LSAMP: variants seen among roughly 807,000 people sequenced by gnomAD.
LSAMP encodes the protein limbic system-associated membrane protein.
A neutral mutation model predicts 38.6 loss-of-function variants in LSAMP; 7 were observed. That is an observed-to-expected ratio of 0.18 (90% CI 0.10 to 0.34). LSAMP has a LOEUF of 0.34. Ranked by LOEUF, LSAMP falls within the 10% of genes least tolerant of loss-of-function variation. LSAMP has a pLI of 1.00. For missense variants in LSAMP, 313 were observed against 420.0 expected (o/e 0.75, Z 2.23); for synonymous variants, 154 against 166.8 (o/e 0.92, Z 0.59).
At chr3:115,838,726 A>G (rs1375882039) in intron 6 of LSAMP, among the ~76,000 whole-genome samples, 1 of 152,172 alleles carries the variant, frequency 6.6e-6, no homozygotes, top group East Asian at 1.9e-4. Flanking sequence ...TATGAATACA[A>G]TGTATTCTTA....
chr3:116,421,390 T>C (rs2107855480), intron 1 of LSAMP, among the ~76,000 whole-genome samples: 1 of 152,020 alleles, frequency 6.6e-6, no homozygotes, highest in South Asian at 2.1e-4. Context: ...GCCAACATGG[T>C]GAAACCCTGT....
intron 3 of LSAMP, among the ~76,000 whole-genome samples, chr3:115,916,465 C>G (rs908118541): frequency 6.6e-6 from 1 of 152,154 alleles, no homozygotes; most frequent in Non-Finnish European, 1.5e-5. Context: ...TAGCTCAGAT[C>G]AAGAGAAAAG....
intron 1 of LSAMP, among the ~76,000 whole-genome samples, chr3:116,149,160 AT>A (rs1709554864): frequency 6.6e-6 from 1 of 152,110 alleles, no homozygotes; most frequent in East Asian, 1.9e-4. Flanking sequence ...AGTTCACAGT[AT>A]GGCCCTCATG....
intron 3 of LSAMP, among the ~76,000 whole-genome samples, chr3:115,886,891 A>G (rs1936467990): frequency 6.6e-6 from 1 of 151,946 alleles, no homozygotes; most frequent in African/African-American, 2.4e-5. Context: ...CAAATGGTTG[A>G]GTGTTTCATT....
intron 1 of LSAMP, among the ~76,000 whole-genome samples, chr3:116,305,394 C>T (rs2107710811): frequency 6.6e-6 from 1 of 151,968 alleles, no homozygotes; most frequent in South Asian, 2.1e-4. Context: ...AATAAAGAGG[C>T]CCAGGAAAAC....
intron 1 of LSAMP, among the ~76,000 whole-genome samples, chr3:116,300,123 TA>T (rs2047386907): frequency 6.6e-6 from 1 of 152,138 alleles, no homozygotes; most frequent in Non-Finnish European, 1.5e-5. Context: ...TTGGGCTCAG[TA>T]AACATTACTG....
rs1463491186 is a variant in LSAMP at position 115,810,084 on chromosome 3, C to T, written c.*233G>A. The T allele has an allele frequency of 6.2e-6, 3 of 481,136 alleles. No homozygotes were observed. The highest frequency in any genetic ancestry group is 3.6e-5 in the Admixed American group (1 of 27,962). 29.8% of individuals were successfully genotyped at this position (481,136 alleles called of 1,614,324 possible). Reference sequence around the variant, plus strand: ...AGATATAAACATATCCCAGTAGAACCTTCTCCATCCTGAATGATACATAAA... The same window carrying T: ...AGATATAAACATATCCCAGTAGAACTTTCTCCATCCTGAATGATACATAAA... On this transcript the variant is annotated 3_prime_UTR_variant, in exon 7 of 7. Coordinates refer to ENST00000490035, the MANE Select transcript of LSAMP (RefSeq NM_002338.5).
At chr3:116,097,557 C>T (rs1421356181) in intron 1 of LSAMP, among the ~76,000 whole-genome samples, 1 of 152,096 alleles carries the variant, frequency 6.6e-6, no homozygotes, top group Non-Finnish European at 1.5e-5. Context: ...AACATGTATG[C>T]TATAACGAAG....
At chr3:116,190,772 G>A (rs1172711295) in intron 1 of LSAMP, among the ~76,000 whole-genome samples, 3 of 152,116 alleles carry the variant, frequency 2.0e-5, no homozygotes, top group Non-Finnish European at 4.4e-5. Flanking sequence ...ATTACCCTTA[G>A]ATGCCTTCTG....
rs1275194704 is a variant in LSAMP, at chr3:116,304,701, G to A, written c.155+140176C>T. 3.9e-5 allele frequency among the ~76,000 whole-genome samples: 6 copies of A among 152,200 alleles called. No homozygotes were observed. The South Asian group carries it at 1.2e-3, about 32-fold the overall frequency. ...GCAGTTAGGGAAAATTAATTTTGGGGTATGGAGAACATCAAGAATACTATC... is the reference window on the plus strand; with the variant it reads ...GCAGTTAGGGAAAATTAATTTTGGGATATGGAGAACATCAAGAATACTATC... On this transcript the variant is annotated intron_variant, in intron 1 of 6. Transcript: ENST00000490035.
At chr3:116,008,286 C>A (rs1157105898) in intron 3 of LSAMP, among the ~76,000 whole-genome samples, 1 of 152,116 alleles carries the variant, frequency 6.6e-6, no homozygotes, top group African/African-American at 2.4e-5. Context: ...TTACTTAAAC[C>A]CATATAAAAG....
At chr3:115,936,828 A>G (rs779834283) in intron 3 of LSAMP, among the ~76,000 whole-genome samples, 23 of 152,312 alleles carry the variant, frequency 1.5e-4, no homozygotes, top group Middle Eastern at 3.4e-3. Flanking sequence ...CACTAAAGTC[A>G]GCAAAAGTAA....
chr3:116,384,578 G>A (rs1202589416), intron 1 of LSAMP, among the ~76,000 whole-genome samples: 3 of 152,114 alleles, frequency 2.0e-5, no homozygotes, highest in African/African-American at 7.2e-5. Flanking sequence ...ACAGAGTGAG[G>A]TGGGATATAT....
chr3:115,930,295 A>G (rs1446192451), intron 3 of LSAMP, among the ~76,000 whole-genome samples: 1 of 152,128 alleles, frequency 6.6e-6, no homozygotes, highest in Non-Finnish European at 1.5e-5. Context: ...GGCTAAAAGA[A>G]AATAATAAAC....
intron 1 of LSAMP, among the ~76,000 whole-genome samples, chr3:116,269,069 C>T (rs1330177418): frequency 6.6e-6 from 1 of 151,954 alleles, no homozygotes; most frequent in East Asian, 1.9e-4. Flanking sequence ...GAATAGTAGT[C>T]CACCCATTCC....
At chr3:115,841,802 CAATTT>C (rs781363017) in intron 6 of LSAMP, 38 bp downstream of exon 6, 3 of 1,546,184 alleles carry the variant, frequency 1.9e-6, no homozygotes, top group Non-Finnish European at 2.6e-6. Flanking sequence ...TGTGAAAAGT[CAATTT>C]AATTCCATCA....
chr3:116,317,741 T>A (rs1485747537), intron 1 of LSAMP, among the ~76,000 whole-genome samples: 5 of 152,074 alleles, frequency 3.3e-5, no homozygotes, highest in Non-Finnish European at 5.9e-5. Context: ...TTTTAATTAG[T>A]AGCAAGAAAA....
intron 1 of LSAMP, among the ~76,000 whole-genome samples, chr3:116,415,066 T>C (rs192631380): frequency 5.3e-5 from 8 of 151,872 alleles, no homozygotes; most frequent in Admixed American, 4.6e-4. Context: ...TTACCTCTGC[T>C]TGCCCCTCCT....
At chr3:116,087,404 G>A (rs765426017) in intron 1 of LSAMP, among the ~76,000 whole-genome samples, 42 of 151,976 alleles carry the variant, frequency 2.8e-4, no homozygotes, top group Non-Finnish European at 5.1e-4. Flanking sequence ...TGAAGGAGGG[G>A]TAAATACTTT....
Sources: gnomAD v4.1 joint callset for allele counts (sites outside exome capture counted in the v4.1 genomes callset) on GRCh38, gnomAD v4.1.1 for gene constraint, MANE v1.5 for transcripts, NCBI Gene and HGNC (gene_info 2026-07-23, HGNC 2026-07-21) for gene names.